ARFGEF1: variants seen among roughly 807,000 people sequenced by gnomAD.
ARFGEF1 encodes the protein ARF guanine nucleotide exchange factor 1.
In ARFGEF1, 42 loss-of-function variants were observed where a neutral mutation model predicts 231.0. The observed-to-expected ratio is 0.18, with a 90% CI of 0.14 to 0.24. ARFGEF1 has a LOEUF of 0.24. Among genes scored for constraint, ARFGEF1 ranks in the 10% least tolerant of loss-of-function variants. The pLI is 1.00. For missense variants in ARFGEF1, 1,345 were observed against 2,192.0 expected, an observed-to-expected ratio of 0.61 and a Z score of 7.72; for synonymous variants, 710 against 732.3, an observed-to-expected ratio of 0.97 and a Z score of 0.49.
At chr8:67,223,500 T>C (rs911722322) in intron 29 of ARFGEF1, among the ~76,000 whole-genome samples, 9 of 152,164 alleles carry the variant, frequency 5.9e-5, no homozygotes, top group South Asian at 2.1e-4. Context: ...CATTTTAAGA[T>C]GGAAGCTAAA....
chr8:67,175,489 A>T, exon 6 of ARFGEF1: 1 of 1,599,082 alleles, frequency 6.3e-7, no homozygotes, highest in South Asian at 1.1e-5. Context: ...GTTTTTCCGT[A>T]GGCTTTCTGC....
At chr8:67,282,712 G>T (rs1423218680) in intron 7 of ARFGEF1, among the ~76,000 whole-genome samples, 1 of 151,970 alleles carries the variant, frequency 6.6e-6, no homozygotes, top group Non-Finnish European at 1.5e-5. Flanking sequence ...GCCGGGCATG[G>T]TGGTGTGCAC....
In ARFGEF1 at chr8:67,275,776, A is replaced by T. The variant is rs188689337; in HGVS notation, c.1337+200T>A. 6.0e-4 allele frequency among the ~76,000 whole-genome samples: 91 copies of T among 152,232 alleles called. 1 individual carries two copies. The East Asian group carries it at 0.015, about 25-fold the overall frequency. On this transcript the variant is annotated intron_variant, in intron 9 of 38. Coordinates refer to ENST00000262215, the MANE Select transcript of ARFGEF1 (RefSeq NM_006421.5). ...GTATAAGTCACATACCCTTTAGGAAATAGTGTAAGTTATCTACTCCAGCAG... is the reference window on the plus strand; with the variant it reads ...GTATAAGTCACATACCCTTTAGGAATTAGTGTAAGTTATCTACTCCAGCAG...
chr8:67,224,470 C>T (rs979705294), intron 29 of ARFGEF1, among the ~76,000 whole-genome samples: 1 of 152,070 alleles, frequency 6.6e-6, no homozygotes, highest in African/African-American at 2.4e-5. Context: ...TATATTATTC[C>T]AAACTATGTT....
At chr8:67,288,781 T>C (rs910151160) in intron 6 of ARFGEF1, among the ~76,000 whole-genome samples, 46 of 151,956 alleles carry the variant, frequency 3.0e-4, no homozygotes, top group African/African-American at 9.4e-4. Context: ...GGCTCATCAA[T>C]AGTAAGATCA....
chr8:67,194,737 CTAT>C (rs1372513772), downstream of ARFGEF1, among the ~76,000 whole-genome samples: 1 of 150,868 alleles, frequency 6.6e-6, no homozygotes, highest in Admixed American at 6.6e-5. Flanking sequence ...ACAGATTTTC[CTAT>C]TATTATACCT....
chr8:67,222,192 T>TATACAC (rs1554636818), intron 29 of ARFGEF1, among the ~76,000 whole-genome samples: 6 of 139,220 alleles, frequency 4.3e-5, no homozygotes, highest in African/African-American at 1.7e-4. Flanking sequence ...CATATATATA[T>TATACAC]ATATATATAT....
rs1368306069 is a variant in ARFGEF1 at position 67,216,661 on chromosome 8, G to A, written c.4615C>T (p.Leu1539=). 1 of 1,601,858 alleles carries A rather than the reference G, an allele frequency of 6.2e-7. No homozygotes were observed. Among genetic ancestry groups the A allele is most frequent in the Non-Finnish European group, 8.5e-7 (1 of 1,176,952 alleles). The part of the protein sequence containing the change: ...DIFKTTIPHA[L]LTWRPNSGET... Reference sequence around the variant, plus strand: ...CCAGAATTGGGTCGCCAGGTCAACAGCCTTTAAGATACCAAAACCACGTCA... The same window carrying A: ...CCAGAATTGGGTCGCCAGGTCAACAACCTTTAAGATACCAAAACCACGTCA... The change falls in exon 33 of 39, where the codon CTG becomes TTG. Residue 1539 remains leucine (L), a splice_region_variant and synonymous_variant. Coordinates refer to ENST00000262215, the MANE Select transcript of ARFGEF1 (RefSeq NM_006421.5).
downstream of ARFGEF1, chr8:67,173,559 GA>G (rs1830895630): frequency 6.6e-6 from 1 of 151,888 alleles, no homozygotes; most frequent in Non-Finnish European, 1.5e-5. Context: ...TCAAAATACA[GA>G]AAGATAGTAA....
chr8:67,318,234 C>T (rs1333085644), intron 1 of ARFGEF1, among the ~76,000 whole-genome samples: 2 of 118,168 alleles, frequency 1.7e-5, no homozygotes, highest in South Asian at 3.1e-4. Flanking sequence ...CAGACTCCGT[C>T]TCAAGAAAAA....
chr8:67,262,060 G>C (rs1804646607), intron 14 of ARFGEF1, among the ~76,000 whole-genome samples: 1 of 152,120 alleles, frequency 6.6e-6, no homozygotes, highest in Admixed American at 6.6e-5. Flanking sequence ...CATGTAGAGA[G>C]CTGCCTTATA....
At position 67,216,436 on chromosome 8, in the gene ARFGEF1, T is replaced by C. The variant is rs115586685; in HGVS notation, c.4686+154A>G. 5.5e-3 allele frequency among the ~76,000 whole-genome samples: 817 copies of C among 149,272 alleles called. 7 individuals carry two copies. The highest frequency in any genetic ancestry group is 0.019 in the African/African-American group (788 of 40,830). On this transcript the variant is annotated intron_variant, in intron 33 of 38. Transcript: ENST00000262215. ...ATACAATTCCCAGCCTTCGTAATTG[T>C]AAAAAAAAAATGTCTATTTATAAGT... is the stretch of plus-strand genomic sequence containing the variant.
intron 1 of ARFGEF1, among the ~76,000 whole-genome samples, chr8:67,312,372 ACTT>A (rs1328690228): frequency 6.6e-6 from 1 of 152,184 alleles, no homozygotes; most frequent in African/African-American, 2.4e-5. Context: ...GTGACAGTGG[ACTT>A]CTTATTGGAC....
At chr8:67,196,203 T>C (rs1837905361), downstream of ARFGEF1, 1 of 152,286 alleles carries the variant, frequency 6.6e-6, no homozygotes, top group Non-Finnish European at 1.5e-5. Flanking sequence ...TTTGTCTTGT[T>C]ACTAATTACA....
chr8:67,228,051 T>C lies in ARFGEF1; in HGVS notation c.3503A>G (p.Lys1168Arg). 1 of 1,608,968 alleles carries C rather than the reference T, an allele frequency of 6.2e-7. No individual in the cohort carries two copies. Among genetic ancestry groups the C allele is most frequent in the Non-Finnish European group, 8.5e-7 (1 of 1,178,422 alleles). The change falls in exon 25 of 39, where the codon AAA becomes AGA. Residue 1168 changes from lysine (K) to arginine (R), a missense_variant. Lys to Arg is a conservative substitution (Grantham distance 26). This residue lies in a region of ARFGEF1 where 146 missense variants were observed against 321.4 expected (regional missense o/e 0.45). Transcript: ENST00000262215. ...TTHPRMFSLQKIVEISYYNMG... is the reference protein window; with the variant it reads ...TTHPRMFSLQRIVEISYYNMG... The stretch of plus-strand genomic sequence containing the variant: ...GTTGTAATATGATATTTCTACTATT[T>C]TTTGTAGACTAAACATTCTTGGGTG...
chr8:67,296,683 C>T, intron 4 of ARFGEF1, 73 bp from the exon 5 acceptor site: 1 of 1,245,230 alleles, frequency 8.0e-7, no homozygotes, highest in Non-Finnish European at 1.1e-6. Context: ...GTCTTTCTCG[C>T]TCTGTCACCC....
chr8:67,315,138 G>A, intron 1 of ARFGEF1, among the ~76,000 whole-genome samples: 1 of 152,062 alleles, frequency 6.6e-6, no homozygotes. Flanking sequence ...AGATAAAGTA[G>A]AACTGAAAAC....
intron 9 of ARFGEF1, among the ~76,000 whole-genome samples, chr8:67,272,656 G>A (rs1805145364): frequency 6.6e-6 from 1 of 151,964 alleles, no homozygotes. Context: ...CAGTTCCAAT[G>A]GACTTTTTTC....
intron 1 of ARFGEF1, 127 bp downstream of exon 1, chr8:67,343,037 C>G (rs975856472): frequency 2.6e-6 from 3 of 1,139,270 alleles, no homozygotes; most frequent in Non-Finnish European, 2.4e-6. Flanking sequence ...CAGAGGGCTC[C>G]GCGAGGGCTT....
Sources: gnomAD v4.1 joint callset for allele counts (sites outside exome capture counted in the v4.1 genomes callset) on GRCh38, gnomAD v4.1.1 for gene constraint, gnomAD v4.1.1 regional missense constraint, MANE v1.5 for transcripts, NCBI Gene and HGNC (gene_info 2026-07-23, HGNC 2026-07-21) for gene names.